The following ARHGEF7 variants were observed in gnomAD, a reference collection of about 807,000 sequenced individuals.
ARHGEF7 encodes the protein PAK-interacting exchange factor beta.
Under a neutral mutation model 109.8 loss-of-function variants are expected in ARHGEF7, and 33 were observed. The ratio of observed to expected loss-of-function variants is 0.30; its 90% confidence interval spans 0.23 to 0.40. The LOEUF is 0.40. Among genes scored for constraint, ARHGEF7 ranks in the 10% least tolerant of loss-of-function variants. The pLI, the probability that ARHGEF7 is intolerant of heterozygous loss-of-function variation, is 1.00. For synonymous variants in ARHGEF7, 458 were observed against 424.6 expected (o/e 1.08, Z -0.97); for missense variants, 938 against 1,098.5 (o/e 0.85, Z 2.07).
intron 2 of ARHGEF7, among the ~76,000 whole-genome samples, chr13:111,199,949 T>C (rs2081018903): frequency 6.6e-6 from 1 of 152,198 alleles, no homozygotes; most frequent in South Asian, 2.1e-4. Context: ...CTTCCTTTTT[T>C]CTGCTCCAAA....
chr13:111,128,246 G>T (rs576396361), intron 1 of ARHGEF7, among the ~76,000 whole-genome samples: 1 of 152,232 alleles, frequency 6.6e-6, no homozygotes, highest in African/African-American at 2.4e-5. Context: ...AAGCCATCTA[G>T]ATTGAAAAGG....
At chr13:111,132,921 C>T (rs1023782170) in intron 1 of ARHGEF7, among the ~76,000 whole-genome samples, 2 of 151,862 alleles carry the variant, frequency 1.3e-5, no homozygotes, top group Admixed American at 6.6e-5. Flanking sequence ...CACACACATA[C>T]ATGTACACAC....
chr13:111,136,021 G>A (rs1359936959), intron 1 of ARHGEF7, among the ~76,000 whole-genome samples: 1 of 152,144 alleles, frequency 6.6e-6, no homozygotes, highest in Non-Finnish European at 1.5e-5. Flanking sequence ...GTTGAATTTT[G>A]TTGAAGGCCT....
rs2074734782 is a variant in ARHGEF7 at position 111,131,315 on chromosome 13, G to A, written c.165+15624G>A. On this transcript the variant is annotated intron_variant, in intron 1 of 21. Transcript: ENST00000646102. This position sits in a 1 kb window ranked among gnomAD's most constrained non-coding sequence, Gnocchi z 4.4. ...TGATTTGGGTGACTCCTGGGTTTCT[G>A]GTTGCACAACAGGATAGATGGGGCG... Among the ~76,000 whole-genome samples, 1 of 152,062 alleles carries A rather than the reference G, an allele frequency of 6.6e-6. No individual in the cohort carries two copies. The highest frequency in any genetic ancestry group is 1.9e-4 in the East Asian group (1 of 5,160).
rs546619116 is a variant in ARHGEF7, at chr13:111,228,465, G to A, written c.671-4740G>A. Among the ~76,000 whole-genome samples, 3 of 152,142 alleles carry A rather than the reference G, an allele frequency of 2.0e-5. No individual in the cohort carries two copies. The highest frequency in any genetic ancestry group is 6.5e-5 in the Admixed American group (1 of 15,272). ...TGATGGTGCTTCCAGCAGAGAACACGGCGGGAGCGGATGAGGCAGGCTCGA... is the reference window on the plus strand; with the variant it reads ...TGATGGTGCTTCCAGCAGAGAACACAGCGGGAGCGGATGAGGCAGGCTCGA... On this transcript the variant is annotated intron_variant, in intron 5 of 21. Transcript: ENST00000646102. The surrounding 1 kb of genome is among the most constrained non-coding windows in gnomAD (Gnocchi z 4.6).
rs777340204 is a variant in ARHGEF7 at position 111,209,939 on chromosome 13, C to T, written c.405C>T (p.Ser135=). 6.2e-7 allele frequency: 1 copy of T among 1,614,194 alleles called. No individual in the cohort carries two copies. The highest frequency in any genetic ancestry group is 1.1e-5 in the South Asian group (1 of 91,082). Residue 135 remains serine, a synonymous_variant, in exon 4 of 22, where the codon TCC becomes TCT. Transcript: ENST00000646102. ...PSSHRIKSFD[S]LGSQSLHTRT... is the part of the protein sequence containing the mutation. ...CTCACCGCATAAAGTCTTTTGACTCCCTTGGATCACAGTCTTTGCACACTC... is the reference window on the plus strand; with the variant it reads ...CTCACCGCATAAAGTCTTTTGACTCTCTTGGATCACAGTCTTTGCACACTC...
chr13:111,144,856 T>G (rs987743652), intron 1 of ARHGEF7: 2 of 152,160 alleles, frequency 1.3e-5, no homozygotes, highest in Admixed American at 1.3e-4. Flanking sequence ...TTAATAATAC[T>G]TGCACATGGG....
chr13:111,207,993 T>C (rs1337802525), intron 3 of ARHGEF7, among the ~76,000 whole-genome samples: 3 of 152,238 alleles, frequency 2.0e-5, no homozygotes, highest in Non-Finnish European at 4.4e-5. Context: ...GCTTTGCTTT[T>C]CTGTTTGCCC....
intron 13 of ARHGEF7, among the ~76,000 whole-genome samples, chr13:111,278,840 G>A: frequency 6.6e-6 from 1 of 152,236 alleles, no homozygotes; most frequent in East Asian, 1.9e-4. Flanking sequence ...GAGAGAAGAG[G>A]TTGTCACTTG....
chr13:111,289,269 G>A (rs1320626649), intron 18 of ARHGEF7, among the ~76,000 whole-genome samples: 2 of 152,294 alleles, frequency 1.3e-5, no homozygotes, highest in Non-Finnish European at 2.9e-5. Context: ...CCTGACCTCA[G>A]GTGATCTGCC....
chr13:111,191,319 A>G (rs1391353662), intron 2 of ARHGEF7, among the ~76,000 whole-genome samples: 1 of 152,204 alleles, frequency 6.6e-6, no homozygotes, highest in Non-Finnish European at 1.5e-5. Context: ...CATTGGATGC[A>G]TAAAGGGACA....
Position 111,293,760 on chromosome 13 carries a change from A to C in ARHGEF7, c.2311+1466A>C, listed in dbSNP as rs1415112600. 3.0e-6 allele frequency: 3 copies of C among 985,174 alleles called. No individual in the cohort carries two copies. The East Asian group carries it at 3.4e-4, about 112-fold the overall frequency. 61.0% of individuals were successfully genotyped at this position (985,174 alleles called of 1,614,324 possible). On this transcript the variant is annotated intron_variant, in intron 19 of 21. Coordinates refer to ENST00000646102, the MANE Select transcript of ARHGEF7 (RefSeq NM_001354046.2). ...GTGGCTGTAATTCCAGGTGGCCGTG[A>C]TTTCTTTCTTCCCCACTGCCCACTC... is the stretch of plus-strand genomic sequence containing the variant.
chr13:111,206,878 C>T (rs1240624867), intron 3 of ARHGEF7, among the ~76,000 whole-genome samples: 6 of 145,328 alleles, frequency 4.1e-5, no homozygotes, highest in Non-Finnish European at 7.5e-5. Flanking sequence ...AGGAGAATGG[C>T]GTGAACCCGG....
chr13:111,124,756 T>A (rs2067444459), intron 1 of ARHGEF7, among the ~76,000 whole-genome samples: 1 of 151,824 alleles, frequency 6.6e-6, no homozygotes, highest in Non-Finnish European at 1.5e-5. Flanking sequence ...TCTTCTAGTT[T>A]TTTTTGTTTT....
chr13:111,233,172 G>T, intron 5 of ARHGEF7, 33 bp from the exon 6 acceptor site: 2 of 1,562,232 alleles, frequency 1.3e-6, no homozygotes, highest in South Asian at 2.2e-5. Context: ...CTTTAGTACT[G>T]ATCAGTAAAA....
rs147911627 is a variant in ARHGEF7 at position 111,266,349 on chromosome 13, T to C, written c.951-1199T>C. Among the ~76,000 whole-genome samples, 223 of 152,262 alleles carry C rather than the reference T, an allele frequency of 1.5e-3. No individual in the cohort carries two copies. The highest frequency in any genetic ancestry group is 5.3e-3 in the African/African-American group (220 of 41,566). ...GCTTCTGAATGACTCTGCTGTTGTC[T>C]GGGGCCTCGGTCTTCTTTTGGCCTG... On this transcript the variant is annotated intron_variant, in intron 8 of 21. Transcript: ENST00000646102. This position sits in a 1 kb window ranked among gnomAD's most constrained non-coding sequence, Gnocchi z 4.8.
Position 111,267,688 on chromosome 13 carries a change from C to G in ARHGEF7, c.1073+18C>G. On this transcript the variant is annotated intron_variant, in intron 9 of 21. Transcript: ENST00000646102. ...GAACACAGGTGCGCTTGCTAGGCACCTTGGCAACAGGGAGGGTGGATGGCT... is the reference window on the plus strand; with the variant it reads ...GAACACAGGTGCGCTTGCTAGGCACGTTGGCAACAGGGAGGGTGGATGGCT... 6.2e-7 allele frequency: 1 copy of G among 1,612,830 alleles called. No homozygotes were observed. The highest frequency in any genetic ancestry group is 8.5e-7 in the Non-Finnish European group (1 of 1,179,264).
intron 2 of ARHGEF7, among the ~76,000 whole-genome samples, chr13:111,158,413 A>G (rs2076503326): frequency 6.6e-6 from 1 of 152,248 alleles, no homozygotes. Flanking sequence ...TTTCTGGAAT[A>G]GTTATGTTTG....
intron 1 of ARHGEF7, among the ~76,000 whole-genome samples, chr13:111,143,140 G>A (rs1300203626): frequency 6.6e-6 from 1 of 152,164 alleles, no homozygotes; most frequent in South Asian, 2.1e-4. Context: ...AGTAGCACTC[G>A]GGACTGCAGG....
Sources: allele counts gnomAD v4.1 joint callset (sites outside exome capture counted in the v4.1 genomes callset), GRCh38; gene constraint gnomAD v4.1.1; non-coding constraint Gnocchi (gnomAD v3.1); transcripts MANE v1.5; gene names NCBI Gene and HGNC (gene_info 2026-07-23, HGNC 2026-07-21).